NBEAL2: variants seen among roughly 807,000 people sequenced by gnomAD.
NBEAL2 encodes the protein neurobeachin like 2, also known as neurobeachin-like protein 2.
In NBEAL2, 160 loss-of-function variants were observed where a neutral mutation model predicts 299.8. The ratio of observed to expected loss-of-function variants is 0.53; its 90% CI spans 0.47 to 0.61. The LOEUF (loss-of-function observed/expected upper bound fraction) is 0.61, where lower values mean the gene tolerates loss of function less well. Among genes scored for constraint, NBEAL2 ranks in the 20% least tolerant of loss-of-function variants. The pLI is 0.00. For synonymous variants in NBEAL2, 1,493 were observed against 1,542.3 expected, an observed-to-expected ratio of 0.97 and a Z score of 0.75; for missense variants, 3,112 against 3,649.0, an observed-to-expected ratio of 0.85 and a Z score of 3.79.
chr3:46,979,713 G>T lies in NBEAL2; in HGVS notation c.-149G>T. 1 of 308,334 alleles carries T rather than the reference G, an allele frequency of 3.2e-6. No individual in the cohort carries two copies. Among genetic ancestry groups the T allele is most frequent in the Non-Finnish European group, 6.0e-6 (1 of 167,464 alleles). The allele number at this position is 308,334 out of a possible 1,614,324, so 19.1% of individuals were successfully genotyped here. A position where few individuals can be genotyped will look rare whatever the true frequency, so the allele number is the denominator to read the frequency against. On this transcript the variant is annotated 5_prime_UTR_variant, in exon 1 of 54. Transcript: ENST00000450053. ...ACTTGGGTGGCTCTGCGCCGCGGAG[G>T]CCACAGCCGCAGACTTCCCCAGTAG...
In NBEAL2 at chr3:47,004,206, G is replaced by A. The variant is rs1211994003; in HGVS notation, c.6011G>A (p.Cys2004Tyr). The change falls in exon 37 of 54, where the codon TGC (cysteine) becomes TAC (tyrosine). Residue 2004 changes from cysteine to tyrosine, a missense_variant. Coordinates refer to ENST00000450053, the MANE Select transcript of NBEAL2 (RefSeq NM_015175.3). This position sits in a 1 kb window ranked among gnomAD's most constrained non-coding sequence, Gnocchi z 5.0. ...GCCAACTACTTCCTCAACTTCCCATGCAAGGTGGGCACGACCCCAGTCTCA... is the reference window on the plus strand; with the variant it reads ...GCCAACTACTTCCTCAACTTCCCATACAAGGTGGGCACGACCCCAGTCTCA... ...DQANYFLNFP[C>Y]KVGTTPVSSP... 5 of 1,613,744 alleles carry A rather than the reference G, an allele frequency of 3.1e-6. No individual in the cohort carries two copies. Among genetic ancestry groups the A allele is most frequent in the South Asian group, 1.1e-5 (1 of 91,086 alleles).
Position 47,009,572 on chromosome 3 carries a change from A to G in NBEAL2, c.*252A>G, listed in dbSNP as rs2037750943. The G allele has an allele frequency of 1.9e-6, 1 of 536,102 alleles. No individual in the cohort carries two copies. The highest frequency in any genetic ancestry group is 2.0e-5 in the African/African-American group (1 of 49,366). 33.2% of individuals were successfully genotyped at this position (536,102 alleles called of 1,614,324 possible). A position where few individuals can be genotyped will look rare whatever the true frequency, so the allele number is the denominator to read the frequency against. ...CTGCGGCCGCAGCAGCACTTTTTGC[A>G]CAGTCTGGGGCGGGGTTCCCCGGCT... On this transcript the variant is annotated 3_prime_UTR_variant, in exon 54 of 54. Transcript: ENST00000450053.
At chr3:46,990,638 G>C (rs2036014483) in intron 6 of NBEAL2, among the ~76,000 whole-genome samples, 1 of 152,242 alleles carries the variant, frequency 6.6e-6, no homozygotes, top group Non-Finnish European at 1.5e-5. Flanking sequence ...CCCGGGGCTA[G>C]TCCCTTCTGC....
Position 47,004,634 on chromosome 3 carries a change from C to A in NBEAL2, c.6294+44C>A, listed in dbSNP as rs1329549928. ...ACCCCTCCACCCCTGCCCCTCTGAC[C>A]TGTCAGCCCTTGGTTCCCCCAAGTG... On this transcript the variant is annotated intron_variant, in intron 38 of 53. Transcript: ENST00000450053. This position sits in a 1 kb window ranked among gnomAD's most constrained non-coding sequence, Gnocchi z 5.0. 6.3e-7 allele frequency: 1 copy of A among 1,579,300 alleles called. No individual in the cohort carries two copies. The highest frequency in any genetic ancestry group is 2.2e-5 in the East Asian group (1 of 44,686).
chr3:46,999,283 A>AT, intron 24 of NBEAL2, 32 bp from the exon 25 acceptor site: 1 of 1,580,926 alleles, frequency 6.3e-7, no homozygotes, highest in Non-Finnish European at 8.6e-7. Context: ...CTCCTTCCAC[A>AT]TGATGACAGT....
At position 47,001,988 on chromosome 3, in the gene NBEAL2, GGC is replaced by G; in HGVS notation, c.4852_4853del (p.Ala1618LeufsTer25). ...CTGCAGTGCCAGCCCGCCGCGAGGA[GGC>G]CTGCTATGTGCTCTCCAAGCTGGAG... ...QTAVPARREE[A>X]CYVLSKLEAA... is the part of the protein sequence containing the mutation. On this transcript the variant is annotated frameshift_variant, in exon 31 of 54. Transcript: ENST00000450053. LOFTEE classifies it high-confidence loss of function. This position sits in a 1 kb window ranked among gnomAD's most constrained non-coding sequence, Gnocchi z 6.1. 1 of 1,606,108 alleles carries G rather than the reference GGC, an allele frequency of 6.2e-7. No individual in the cohort carries two copies. The highest frequency in any genetic ancestry group is 8.5e-7 in the Non-Finnish European group (1 of 1,176,832).
In NBEAL2 at chr3:46,989,204, G is replaced by A. The variant is rs368567863; in HGVS notation, c.351+38G>A. 3.3e-5 allele frequency: 54 copies of A among 1,613,048 alleles called. No individual in the cohort carries two copies. The African/African-American group carries it at 6.9e-4, about 21-fold the overall frequency. On this transcript the variant is annotated intron_variant, in intron 4 of 53. Coordinates refer to ENST00000450053, the MANE Select transcript of NBEAL2 (RefSeq NM_015175.3). This position sits in a 1 kb window ranked among gnomAD's most constrained non-coding sequence, Gnocchi z 5.5. ...CTACCTTGGGGGGCAGAGGGTGTAT[G>A]CAGGGAGGCAGGCGGTAGCCATGGC...
At position 46,988,851 on chromosome 3, in the gene NBEAL2, G is replaced by A; in HGVS notation, c.150G>A (p.Glu50=). The A allele has an allele frequency of 6.2e-7, 1 of 1,607,468 alleles. No homozygotes were observed. Among genetic ancestry groups the A allele is most frequent in the Non-Finnish European group, 8.5e-7 (1 of 1,175,268 alleles). ...LSSLEPRRPE[E]AGAEVPLLPL... ...TCCCCTTTCCTTGCAGGCCAGAGGA[G>A]GCAGGTGCAGAGGTCCCGCTGCTAC... Residue 50 remains glutamate (E), a synonymous_variant, in exon 3 of 54, where the codon GAG becomes GAA. Coordinates refer to ENST00000450053, the MANE Select transcript of NBEAL2 (RefSeq NM_015175.3). This position sits in a 1 kb window ranked among gnomAD's most constrained non-coding sequence, Gnocchi z 4.4.
rs1409820415 is a variant in NBEAL2, at chr3:46,996,792, C to T, written c.2515C>T (p.His839Tyr). The T allele has an allele frequency of 1.2e-6, 2 of 1,612,548 alleles. No individual in the cohort carries two copies. Among genetic ancestry groups the T allele is most frequent in the Non-Finnish European group, 1.7e-6 (2 of 1,179,820 alleles). ...ACCCTTCAAGCCTGAGGGGGAGCTGCATGAGCTCAGCACCAGGCTGCTCCT... is the reference window on the plus strand; with the variant it reads ...ACCCTTCAAGCCTGAGGGGGAGCTGTATGAGCTCAGCACCAGGCTGCTCCT... ...TAPFKPEGEL[H>Y]ELSTRLLLHY... Residue 839 changes from histidine (H) to tyrosine (Y), a missense_variant, in exon 17 of 54, where the codon CAT (histidine) becomes TAT (tyrosine). Transcript: ENST00000450053.
Position 47,006,494 on chromosome 3 carries a change from T to C in NBEAL2, c.7134+45T>C, listed in dbSNP as rs1400832084. ...TCAACTTTATATTCTGTGAAATGGG[T>C]TTAACCCCACTGTCCTTACCAACCA... On this transcript the variant is annotated intron_variant, in intron 45 of 53. Coordinates refer to ENST00000450053, the MANE Select transcript of NBEAL2 (RefSeq NM_015175.3). The C allele has an allele frequency of 2.6e-6, 4 of 1,525,800 alleles. No homozygotes were observed. The South Asian group carries it at 3.6e-5, about 14-fold the overall frequency. 94.5% of individuals were successfully genotyped at this position (1,525,800 alleles called of 1,614,324 possible). A position where few individuals can be genotyped will look rare whatever the true frequency, so the allele number is the denominator to read the frequency against.
chr3:46,988,624 G>C lies in NBEAL2; in HGVS notation c.52-45G>C, dbSNP rs2035847633. 2.0e-6 allele frequency: 3 copies of C among 1,534,608 alleles called. No individual in the cohort carries two copies. The East Asian group carries it at 6.8e-5, about 35-fold the overall frequency. ...TCCCCTTGTCCCTGCCCTGTTTACTGCATCCCTCCTGCCCCCCACCACTGT... is the reference window on the plus strand; with the variant it reads ...TCCCCTTGTCCCTGCCCTGTTTACTCCATCCCTCCTGCCCCCCACCACTGT... On this transcript the variant is annotated intron_variant, in intron 1 of 53. Transcript: ENST00000450053. The surrounding 1 kb of genome is among the most constrained non-coding windows in gnomAD (Gnocchi z 4.4).
At position 47,002,811 on chromosome 3, in the gene NBEAL2, G is replaced by A. The variant is rs1474141173; in HGVS notation, c.5459+9G>A. The A allele has an allele frequency of 6.4e-7, 1 of 1,554,872 alleles. No individual in the cohort carries two copies. Among genetic ancestry groups the A allele is most frequent in the Non-Finnish European group, 8.7e-7 (1 of 1,155,282 alleles). ...GGGGCCTGGGCGCTGAGGTGGGCCGGGCTTGGGGCAGGGTCGCTGTGGAGG... is the reference window on the plus strand; with the variant it reads ...GGGGCCTGGGCGCTGAGGTGGGCCGAGCTTGGGGCAGGGTCGCTGTGGAGG... On this transcript the variant is annotated intron_variant, in intron 33 of 53. Transcript: ENST00000450053.
At position 47,005,830 on chromosome 3, in the gene NBEAL2, CA is replaced by C. The variant is rs1333161182; in HGVS notation, c.6785del (p.Gln2262ArgfsTer48). The C allele has an allele frequency of 1.2e-6, 2 of 1,613,272 alleles. No individual in the cohort carries two copies. The highest frequency in any genetic ancestry group is 1.7e-6 in the Non-Finnish European group (2 of 1,179,840). ...WASSPEDFIQQHRQALESEYV... is the reference protein window; with the variant it reads ...WASSPEDFIQXHRQALESEYV... ...CAGCTCTCCTGAGGACTTCATCCAG[CA>C]GCACCGCCAGGCTCTGGTGAGGAAG... On this transcript the variant is annotated frameshift_variant, in exon 42 of 54. Coordinates refer to ENST00000450053, the MANE Select transcript of NBEAL2 (RefSeq NM_015175.3). LOFTEE classifies it high-confidence loss of function.
chr3:46,998,534 T>G lies in NBEAL2; in HGVS notation c.3190T>G (p.Phe1064Val). The G allele has an allele frequency of 6.2e-7, 1 of 1,612,674 alleles. No individual in the cohort carries two copies. The highest frequency in any genetic ancestry group is 8.5e-7 in the Non-Finnish European group (1 of 1,179,474). The change falls in exon 22 of 54, where the codon TTT becomes GTT. Residue 1064 changes from phenylalanine to valine, a missense_variant. Transcript: ENST00000450053. ...QKLRKKYGVQ[F>V]ILDALRTHYS... is the part of the protein sequence containing the mutation. ...GCTGCGGAAGAAGTACGGCGTCCAGTTTATCTTGGATGCTCTGCGCACCCA... is the reference window on the plus strand; with the variant it reads ...GCTGCGGAAGAAGTACGGCGTCCAGGTTATCTTGGATGCTCTGCGCACCCA...
At position 47,000,554 on chromosome 3, in the gene NBEAL2, T is replaced by G; in HGVS notation, c.4305+150T>G. On this transcript the variant is annotated intron_variant, in intron 27 of 53. Coordinates refer to ENST00000450053, the MANE Select transcript of NBEAL2 (RefSeq NM_015175.3). The surrounding 1 kb of genome is among the most constrained non-coding windows in gnomAD (Gnocchi z 4.5). ...AGGCCTATTGCTGTCCCCTCATAGC[T>G]CTCATCTGCAGTTGTGTTCCCAGAG... is the stretch of plus-strand genomic sequence containing the variant. The G allele has an allele frequency of 4.8e-6, 5 of 1,049,458 alleles. No homozygotes were observed. In the South Asian group the frequency reaches 5.2e-5, roughly 11 times the overall value. The allele number at this position is 1,049,458 out of a possible 1,614,324, so 65.0% of individuals were successfully genotyped here.
chr3:46,999,483 T>A lies in NBEAL2; in HGVS notation c.3703+9T>A. 6.3e-7 allele frequency: 1 copy of A among 1,579,852 alleles called. No individual in the cohort carries two copies. The highest frequency in any genetic ancestry group is 1.1e-5 in the South Asian group (1 of 87,180). On this transcript the variant is annotated intron_variant, in intron 25 of 53. Transcript: ENST00000450053. The stretch of plus-strand genomic sequence containing the variant: ...GCTGTTCCTGGGGGCAGGTACAACC[T>A]GGTTAAGGCCAAGTGGAGGGGGTGA...
rs188470343 is a variant in NBEAL2 at position 46,988,869 on chromosome 3, G to A, written c.168G>A (p.Pro56=). ...CAGAGGAGGCAGGTGCAGAGGTCCC[G>A]CTGCTACCACTGGATGAGCTGCATG... ...RRPEEAGAEV[P]LLPLDELHVL... is the part of the protein sequence containing the mutation. The change falls in exon 3 of 54, where the codon CCG becomes CCA. Residue 56 remains proline (P), a synonymous_variant. Coordinates refer to ENST00000450053, the MANE Select transcript of NBEAL2 (RefSeq NM_015175.3). The surrounding 1 kb of genome is among the most constrained non-coding windows in gnomAD (Gnocchi z 4.4). 1.2e-5 allele frequency: 20 copies of A among 1,610,690 alleles called. No homozygotes were observed. The highest frequency in any genetic ancestry group is 4.0e-5 in the African/African-American group (3 of 74,994).
chr3:46,997,736 C>A, intron 20 of NBEAL2, 42 bp downstream of exon 20: 2 of 1,447,970 alleles, frequency 1.4e-6, no homozygotes, highest in South Asian at 3.0e-5. Flanking sequence ...GGGGTATGGT[C>A]AGCCTGTCTG....
rs367834497 is a variant in NBEAL2, at chr3:47,004,553, C to T, written c.6257C>T (p.Ala2086Val). ...TACTTGATGCAACTCAACACCATTG[C>T]GGGGCGGACCTACAATGACCTGTCT... ...FEYLMQLNTIAGRTYNDLSQY... is the reference protein window; with the variant it reads ...FEYLMQLNTIVGRTYNDLSQY... The change falls in exon 38 of 54, where the codon GCG becomes GTG. Residue 2086 changes from alanine (A) to valine (V), a missense_variant. Physicochemically the swap from Ala to Val is moderately conservative, Grantham distance 64 (BLOSUM62 0). Transcript: ENST00000450053. The surrounding 1 kb of genome is among the most constrained non-coding windows in gnomAD (Gnocchi z 5.0). 5.0e-6 allele frequency: 8 copies of T among 1,613,646 alleles called. No individual in the cohort carries two copies. The African/African-American group carries it at 5.3e-5, about 11-fold the overall frequency.
Sources: gnomAD v4.1 joint callset for allele counts (sites outside exome capture counted in the v4.1 genomes callset) on GRCh38, gnomAD v4.1.1 for gene constraint, Gnocchi (gnomAD v3.1) non-coding constraint, MANE v1.5 for transcripts, NCBI Gene and HGNC (gene_info 2026-07-23, HGNC 2026-07-21) for gene names.